The following FOXO1 variants were observed in gnomAD, a reference collection of about 807,000 sequenced individuals.
The protein encoded by FOXO1 is forkhead box O1.
A neutral mutation model predicts 44.1 loss-of-function variants in FOXO1; 6 were observed. The ratio of observed to expected loss-of-function variants is 0.14; its 90% CI spans 0.07 to 0.27. The LOEUF (loss-of-function observed/expected upper bound fraction) is 0.27, where lower values mean the gene tolerates loss of function less well. Among genes scored for constraint, FOXO1 ranks in the 10% least tolerant of loss-of-function variants. The probability of loss-of-function intolerance (pLI) is 1.00; values close to 1 mark genes in which losing one functional copy is unlikely to be tolerated. For missense variants in FOXO1, 737 were observed against 888.8 expected (o/e 0.83, Z 2.17); for synonymous variants, 380 against 362.7 (o/e 1.05, Z -0.54).
intron 1 of FOXO1, among the ~76,000 whole-genome samples, chr13:40,606,456 C>T (rs767871065): frequency 1.3e-5 from 2 of 151,968 alleles, no homozygotes; most frequent in Non-Finnish European, 2.9e-5. Context: ...ATTACAGGCA[C>T]GTGCCACCAC....
intron 1 of FOXO1, among the ~76,000 whole-genome samples, chr13:40,628,391 C>CA (rs1566079585): frequency 2.5e-5 from 3 of 120,034 alleles, no homozygotes; most frequent in South Asian, 5.9e-4. Flanking sequence ...ACACACACAC[C>CA]CCGTGAGGGT....
chr13:40,615,054 C>A (rs1370108109), intron 1 of FOXO1, among the ~76,000 whole-genome samples: 1 of 152,182 alleles, frequency 6.6e-6, no homozygotes, highest in Non-Finnish European at 1.5e-5. Context: ...CAGAAAAGCA[C>A]ACAGTGAATG....
chr13:40,599,480 C>T (rs1473307815), intron 1 of FOXO1, among the ~76,000 whole-genome samples: 6 of 152,184 alleles, frequency 3.9e-5, no homozygotes, highest in East Asian at 1.9e-4. Context: ...TACAGCTGGA[C>T]GAAGTTTTGT....
Position 40,666,414 on chromosome 13 carries a change from T to C in FOXO1, c.-202A>G. 2.4e-6 allele frequency: 1 copy of C among 417,722 alleles called. No homozygotes were observed. The highest frequency in any genetic ancestry group is 4.2e-6 in the Non-Finnish European group (1 of 237,314). The allele number at this position is 417,722 out of a possible 1,614,324, so 25.9% of individuals were successfully genotyped here. A position where few individuals can be genotyped will look rare whatever the true frequency, so the allele number is the denominator to read the frequency against. Reference sequence around the variant, plus strand: ...ACTTAACTTCGCGGGGCCATCCACATCGAGGCTCCTCGGGGTCCGCCGCAC... The same window carrying C: ...ACTTAACTTCGCGGGGCCATCCACACCGAGGCTCCTCGGGGTCCGCCGCAC... On this transcript the variant is annotated 5_prime_UTR_variant, in exon 1 of 3. It removes an upstream start codon present in the reference 5' UTR. Coordinates refer to ENST00000379561, the MANE Select transcript of FOXO1 (RefSeq NM_002015.4).
chr13:40,559,122 A>G (rs762959559), intron 2 of FOXO1, 88 bp from the exon 3 acceptor site: 145 of 404,026 alleles, frequency 3.6e-4, no homozygotes, highest in Non-Finnish European at 5.9e-4. Flanking sequence ...TAACATGTTA[A>G]GAGTGACAGA....
At chr13:40,657,735 T>C (rs1025933502) in intron 1 of FOXO1, among the ~76,000 whole-genome samples, 46 of 152,188 alleles carry the variant, frequency 3.0e-4, no homozygotes, top group Non-Finnish European at 8.8e-5. Flanking sequence ...TACTTACACA[T>C]TGCATCTAGT....
At chr13:40,639,087 G>A (rs1371861355) in intron 1 of FOXO1, among the ~76,000 whole-genome samples, 1 of 152,098 alleles carries the variant, frequency 6.6e-6, no homozygotes, top group African/African-American at 2.4e-5. Context: ...CCAGCTACTT[G>A]GGAGGCTGAG....
At chr13:40,623,024 G>A (rs1246993100) in intron 1 of FOXO1, among the ~76,000 whole-genome samples, 2 of 151,850 alleles carry the variant, frequency 1.3e-5, no homozygotes, top group Admixed American at 6.6e-5. Flanking sequence ...CAAATTCTCA[G>A]CAGAATCAAT....
At chr13:40,561,943 C>CAAAAAA (rs60373589) in intron 1 of FOXO1, among the ~76,000 whole-genome samples, 13 of 67,548 alleles carry the variant, frequency 1.9e-4, no homozygotes, top group African/African-American at 6.8e-4. Context: ...ACTCTGTCGC[C>CAAAAAA]AAAAAAAAAA....
chr13:40,646,224 ATT>A (rs1233702782), intron 1 of FOXO1, among the ~76,000 whole-genome samples: 2 of 152,018 alleles, frequency 1.3e-5, no homozygotes, highest in Non-Finnish European at 2.9e-5. Context: ...AAGCCTATTA[ATT>A]GATTATTTGA....
chr13:40,631,224 A>G (rs1455322759), intron 1 of FOXO1, among the ~76,000 whole-genome samples: 1 of 152,160 alleles, frequency 6.6e-6, no homozygotes, highest in Admixed American at 6.5e-5. Context: ...AGCATAACCA[A>G]AGCAGACCAA....
intron 1 of FOXO1, among the ~76,000 whole-genome samples, chr13:40,660,071 A>C (rs778575881): frequency 6.6e-6 from 1 of 152,218 alleles, no homozygotes; most frequent in Non-Finnish European, 1.5e-5. Flanking sequence ...TTTCAAGTAC[A>C]TGTGGTCTTC....
At chr13:40,652,408 T>C (rs897544848) in intron 1 of FOXO1, among the ~76,000 whole-genome samples, 2 of 152,052 alleles carry the variant, frequency 1.3e-5, no homozygotes, top group Non-Finnish European at 1.5e-5. Flanking sequence ...TGGCTAATTT[T>C]TGCATTTTTA....
intron 1 of FOXO1, chr13:40,619,680 T>G: frequency 2.2e-6 from 3 of 1,391,622 alleles, no homozygotes; most frequent in Non-Finnish European, 2.0e-6. Flanking sequence ...GTTCCAACAT[T>G]CTAAGGACTA....
chr13:40,570,739 C>T (rs143733306), intron 1 of FOXO1, among the ~76,000 whole-genome samples: 119 of 152,298 alleles, frequency 7.8e-4, no homozygotes, highest in African/African-American at 2.8e-3. Context: ...AAGGAATCTA[C>T]AGTTTTGTGA....
Position 40,666,070 on chromosome 13 carries a change from G to C in FOXO1, c.143C>G (p.Ala48Gly), listed in dbSNP as rs1878236536. 3 of 1,327,900 alleles carry C rather than the reference G, an allele frequency of 2.3e-6. No homozygotes were observed. The highest frequency in any genetic ancestry group is 2.9e-6 in the Non-Finnish European group (3 of 1,041,844). The allele number at this position is 1,327,900 out of a possible 1,614,324, so 82.3% of individuals were successfully genotyped here. Residue 48 changes from alanine to glycine, a missense_variant, in exon 1 of 3, where the codon GCG becomes GGG. Physicochemically the swap from Ala to Gly is moderately conservative, Grantham distance 60. This residue lies in a region of FOXO1 where 213 missense variants were observed against 236.4 expected (regional missense o/e 0.90). Transcript: ENST00000379561. ...ATSSPAPSGS[A>G]AANPDAAAGL... is the part of the protein sequence containing the mutation. ...CGCCGCGGCGTCGGGGTTGGCAGCCGCGCTGCCCGACGGCGCCGGGCTGGA... is the reference window on the plus strand; with the variant it reads ...CGCCGCGGCGTCGGGGTTGGCAGCCCCGCTGCCCGACGGCGCCGGGCTGGA...
intron 1 of FOXO1, among the ~76,000 whole-genome samples, chr13:40,594,355 G>C (rs1009588052): frequency 2.0e-5 from 3 of 152,100 alleles, no homozygotes; most frequent in Non-Finnish European, 4.4e-5. Flanking sequence ...TCAAGAGCTG[G>C]CCAGAGAATG....
At position 40,556,877 on chromosome 13, in the gene FOXO1, A is replaced by C. The variant is rs1873773574; in HGVS notation, c.*2172T>G. The C allele has an allele frequency of 6.6e-6, 1 of 152,214 alleles. No homozygotes were observed. Among genetic ancestry groups the C allele is most frequent in the Non-Finnish European group, 1.5e-5 (1 of 68,030 alleles). 9.4% of individuals were successfully genotyped at this position (152,214 alleles called of 1,614,324 possible). A position where few individuals can be genotyped will look rare whatever the true frequency, so the allele number is the denominator to read the frequency against. Reference sequence around the variant, plus strand: ...GCACGGGAGGAAAGTGACAGTACGTAGTAATAGAAATTAGTACACAAGTAC... The same window carrying C: ...GCACGGGAGGAAAGTGACAGTACGTCGTAATAGAAATTAGTACACAAGTAC... On this transcript the variant is annotated 3_prime_UTR_variant, in exon 3 of 3. Coordinates refer to ENST00000379561, the MANE Select transcript of FOXO1 (RefSeq NM_002015.4).
intron 1 of FOXO1, among the ~76,000 whole-genome samples, chr13:40,591,137 C>T (rs2137865187): frequency 6.6e-6 from 1 of 152,028 alleles, no homozygotes; most frequent in Admixed American, 6.6e-5. Context: ...CGTTTCTGAT[C>T]TGCAAATCAG....
Sources: gnomAD v4.1 joint callset for allele counts (sites outside exome capture counted in the v4.1 genomes callset) on GRCh38, gnomAD v4.1.1 for gene constraint, gnomAD v4.1.1 regional missense constraint, MANE v1.5 for transcripts, NCBI Gene and HGNC (gene_info 2026-07-23, HGNC 2026-07-21) for gene names.